Variants in THEMIS observed in about 807,000 individuals in gnomAD.
THEMIS encodes the protein thymocyte selection associated, also known as protein THEMIS.
Under a neutral mutation model 52.6 loss-of-function variants are expected in THEMIS, and 37 were observed. The observed-to-expected ratio is 0.70, with a 90% CI of 0.54 to 0.93. The LOEUF (loss-of-function observed/expected upper bound fraction) is 0.93. Among genes scored for constraint, THEMIS ranks in the 40% least tolerant of loss-of-function variants. THEMIS has a pLI of 0.00. For synonymous variants in THEMIS, 292 were observed against 272.7 expected (o/e 1.07, Z -0.70); for missense variants, 808 against 763.1 (o/e 1.06, Z -0.69).
At chr6:127,736,533 A>AAATTTCT (rs1430994446) in intron 4 of THEMIS, among the ~76,000 whole-genome samples, 1 of 152,208 alleles carries the variant, frequency 6.6e-6, no homozygotes, top group Non-Finnish European at 1.5e-5. Context: ...AAGTACATTA[A>AAATTTCT]AATTTCTATG....
chr6:127,897,182 T>C (rs1274479610), intron 1 of THEMIS, among the ~76,000 whole-genome samples: 1 of 151,220 alleles, frequency 6.6e-6, no homozygotes, highest in Non-Finnish European at 1.5e-5. Context: ...GATCTGAAGG[T>C]GAGGGTAAAC....
At chr6:127,760,619 T>C (rs751543505) in intron 4 of THEMIS, among the ~76,000 whole-genome samples, 4 of 151,952 alleles carry the variant, frequency 2.6e-5, no homozygotes, top group Non-Finnish European at 4.4e-5. Flanking sequence ...ACTCTATCTC[T>C]ACAAAAAATT....
intron 1 of THEMIS, among the ~76,000 whole-genome samples, chr6:127,876,786 G>A (rs1583385209): frequency 1.3e-5 from 2 of 152,256 alleles, no homozygotes; most frequent in African/African-American, 4.8e-5. Flanking sequence ...CCTCCACTCA[G>A]AGTGACAATA....
At chr6:127,811,500 T>C (rs542679861) in intron 4 of THEMIS, among the ~76,000 whole-genome samples, 1 of 152,328 alleles carries the variant, frequency 6.6e-6, no homozygotes, top group South Asian at 2.1e-4. Context: ...TTGTAAGGAC[T>C]CTTGTGATTA....
chr6:127,730,318 G>GAAAAGAAAAGAAAATAAAAGAA (rs1456074763), intron 4 of THEMIS, among the ~76,000 whole-genome samples: 1 of 116,958 alleles, frequency 8.6e-6, no homozygotes. Context: ...AAAGAAAAGA[G>GAAAAGAAAAGAAAATAAAAGAA]AAAAAAAGAA....
chr6:127,836,687 A>G (rs576983764), intron 2 of THEMIS, among the ~76,000 whole-genome samples: 1 of 152,272 alleles, frequency 6.6e-6, no homozygotes, highest in Admixed American at 6.5e-5. Flanking sequence ...CTCTAAACAC[A>G]TTCTTTTGGT....
chr6:127,830,311 T>C (rs1778658390), intron 2 of THEMIS, among the ~76,000 whole-genome samples: 1 of 152,206 alleles, frequency 6.6e-6, no homozygotes, highest in Admixed American at 6.5e-5. Context: ...ATGAGAAGAT[T>C]GGATTTGGTC....
intron 4 of THEMIS, among the ~76,000 whole-genome samples, chr6:127,728,378 G>A (rs941371723): frequency 1.3e-5 from 2 of 152,150 alleles, no homozygotes; most frequent in Non-Finnish European, 2.9e-5. Flanking sequence ...AGAAGGGAAA[G>A]CAAAAGCCTC....
chr6:127,732,656 A>C (rs549546117), intron 4 of THEMIS, among the ~76,000 whole-genome samples: 2 of 152,284 alleles, frequency 1.3e-5, no homozygotes, highest in South Asian at 4.1e-4. Context: ...ATCATATAAC[A>C]TATTCTTTTG....
intron 4 of THEMIS, among the ~76,000 whole-genome samples, chr6:127,756,248 C>T (rs940180638): frequency 1.3e-5 from 2 of 152,066 alleles, no homozygotes; most frequent in African/African-American, 4.8e-5. Context: ...TAGATCAATG[C>T]CACAAATTCA....
chr6:127,887,378 A>G (rs1185917827), intron 1 of THEMIS, among the ~76,000 whole-genome samples: 1 of 152,168 alleles, frequency 6.6e-6, no homozygotes, highest in Admixed American at 6.6e-5. Flanking sequence ...GTGGATGTTA[A>G]GAAACTGGGA....
At chr6:127,737,078 CTG>C (rs1204817475) in intron 4 of THEMIS, among the ~76,000 whole-genome samples, 1 of 152,106 alleles carries the variant, frequency 6.6e-6, no homozygotes, top group Non-Finnish European at 1.5e-5. Flanking sequence ...AACCAGGAGA[CTG>C]TGACTTGTGT....
chr6:127,881,011 A>T (rs1446741430), intron 1 of THEMIS, among the ~76,000 whole-genome samples: 1 of 152,100 alleles, frequency 6.6e-6, no homozygotes, highest in African/African-American at 2.4e-5. Flanking sequence ...TCCAAGTAAA[A>T]TGTAAAGTTT....
intron 1 of THEMIS, among the ~76,000 whole-genome samples, chr6:127,899,883 C>T (rs1311559321): frequency 7.3e-6 from 1 of 137,604 alleles, no homozygotes; most frequent in African/African-American, 2.7e-5. Context: ...TCATCACCTG[C>T]AAGTATGTGT....
chr6:127,730,210 T>C (rs1413376461), intron 4 of THEMIS, among the ~76,000 whole-genome samples: 2 of 151,044 alleles, frequency 1.3e-5, no homozygotes, highest in Non-Finnish European at 1.5e-5. Context: ...AAGGCTGTAG[T>C]GAGCTGTGAT....
At chr6:127,859,473 C>A (rs1779723776) in intron 1 of THEMIS, among the ~76,000 whole-genome samples, 1 of 151,636 alleles carries the variant, frequency 6.6e-6, no homozygotes, top group Admixed American at 6.6e-5. Flanking sequence ...ATACCTCCCC[C>A]ACAGCTAGTA....
intron 4 of THEMIS, among the ~76,000 whole-genome samples, chr6:127,759,994 A>G (rs1016497934): frequency 6.6e-6 from 1 of 151,704 alleles, no homozygotes. Flanking sequence ...TGAAAACCCT[A>G]TGATTTTTAC....
In THEMIS at chr6:127,813,025, T is replaced by C. The variant is rs181749766; in HGVS notation, c.1616A>G (p.Gln539Arg). Residue 539 changes from glutamine (Q) to arginine (R), a missense_variant, in exon 4 of 6, where the codon CAA becomes CGA. Coordinates refer to ENST00000368248, the MANE Select transcript of THEMIS (RefSeq NM_001010923.3). ...RTLVEEITEE[Q>R]YYMMRRYESS... The stretch of plus-strand genomic sequence containing the variant: ...TTCATATCTCCGCATCATGTAATAT[T>C]GCTCTTCAGTGATCTCTTCTACCAG... 1 of 1,614,114 alleles carries C rather than the reference T, an allele frequency of 6.2e-7. No individual in the cohort carries two copies. Among genetic ancestry groups the C allele is most frequent in the East Asian group, 2.2e-5 (1 of 44,872 alleles).
intron 2 of THEMIS, among the ~76,000 whole-genome samples, chr6:127,842,483 T>C (rs1779081199): frequency 6.6e-6 from 1 of 152,040 alleles, no homozygotes; most frequent in South Asian, 2.1e-4. Flanking sequence ...CATCAGTTAT[T>C]TTAATACTTT....
Sources: gnomAD v4.1 joint callset for allele counts (sites outside exome capture counted in the v4.1 genomes callset) on GRCh38, gnomAD v4.1.1 for gene constraint, MANE v1.5 for transcripts, NCBI Gene and HGNC (gene_info 2026-07-23, HGNC 2026-07-21) for gene names.